EMILIN2: variants seen among roughly 807,000 people sequenced by gnomAD.
The protein encoded by EMILIN2 is elastin microfibril interfacer 2, also known as EMILIN-2.
In EMILIN2, 71 loss-of-function variants were observed where a neutral mutation model predicts 87.1. The observed-to-expected ratio is 0.82, with a 90% CI of 0.67 to 0.99. The LOEUF is 0.99. Among genes scored for constraint, EMILIN2 ranks in the 50% least tolerant of loss-of-function variants. The pLI, the probability that EMILIN2 is intolerant of heterozygous loss-of-function variation, is 0.00. For synonymous variants in EMILIN2, 581 were observed against 563.4 expected, an observed-to-expected ratio of 1.03 and a Z score of -0.44; for missense variants, 1,407 against 1,371.8, an observed-to-expected ratio of 1.03 and a Z score of -0.40.
intron 3 of EMILIN2, among the ~76,000 whole-genome samples, chr18:2,886,200 G>A (rs993382147): frequency 6.6e-6 from 1 of 152,136 alleles, no homozygotes; most frequent in Non-Finnish European, 1.5e-5. Context: ...CTTGGAATAA[G>A]TGAGAAAAAA....
At chr18:2,906,752 C>T (rs2144069204) in intron 4 of EMILIN2, 31 bp from the exon 5 acceptor site, 1 of 1,262,986 alleles carries the variant, frequency 7.9e-7, no homozygotes, top group Non-Finnish European at 9.9e-7. Context: ...TTCCTAATCC[C>T]GTGTGTTTCT....
At chr18:2,909,892 C>T in intron 7 of EMILIN2, 73 bp downstream of exon 7, 1 of 1,575,144 alleles carries the variant, frequency 6.3e-7, no homozygotes, top group Middle Eastern at 1.7e-4. Flanking sequence ...CCCACCATGG[C>T]TGGCTGGTTC....
chr18:2,857,216 G>A (rs1310161376), intron 2 of EMILIN2, among the ~76,000 whole-genome samples: 1 of 152,130 alleles, frequency 6.6e-6, no homozygotes, highest in Non-Finnish European at 1.5e-5. Flanking sequence ...AAACTGTGTA[G>A]GTGAAGTTTT....
At chr18:2,846,652 C>A, upstream of EMILIN2, 1 of 596,790 alleles carries the variant, frequency 1.7e-6, no homozygotes, top group Non-Finnish European at 2.1e-6. The surrounding 1 kb of genome is among the most constrained non-coding windows in gnomAD (Gnocchi z 5.3). Flanking sequence ...CCTCATTCGC[C>A]CCGGGAGGCT....
chr18:2,860,841 T>G (rs979391780), intron 2 of EMILIN2, among the ~76,000 whole-genome samples: 15 of 152,316 alleles, frequency 9.8e-5, no homozygotes, highest in African/African-American at 2.4e-4. Context: ...TGAACTAGTT[T>G]ACAGTCCCAC....
rs557554919 is a variant in EMILIN2, at chr18:2,865,558, C to G, written c.257+17627C>G. 2.0e-5 allele frequency among the ~76,000 whole-genome samples: 3 copies of G among 152,274 alleles called. No homozygotes were observed. In the East Asian group the frequency reaches 5.8e-4, roughly 29 times the overall value. On this transcript the variant is annotated intron_variant, in intron 2 of 7. Coordinates refer to ENST00000254528, the MANE Select transcript of EMILIN2 (RefSeq NM_032048.3). ...TGAACAGCAAATGTTGCTGGCTGAT[C>G]GTTCCTCTGGAAGTTTTGTCTCAGA...
chr18:2,885,515 G>GTTTTTTA, intron 3 of EMILIN2, among the ~76,000 whole-genome samples: 1 of 152,172 alleles, frequency 6.6e-6, no homozygotes, highest in Non-Finnish European at 1.5e-5. Flanking sequence ...GGTTAAAATT[G>GTTTTTTA]TTTTTTATTT....
chr18:2,865,924 C>G (rs994951345), intron 2 of EMILIN2, among the ~76,000 whole-genome samples: 5 of 152,232 alleles, frequency 3.3e-5, no homozygotes, highest in Non-Finnish European at 7.3e-5. Flanking sequence ...TGCCCCTCCC[C>G]CAGCCTCACT....
At chr18:2,853,521 C>T (rs1025501650) in intron 2 of EMILIN2, among the ~76,000 whole-genome samples, 3 of 152,150 alleles carry the variant, frequency 2.0e-5, no homozygotes, top group Non-Finnish European at 2.9e-5. Flanking sequence ...TGAGGCTGAC[C>T]GCAGTGGGAA....
In EMILIN2 at chr18:2,891,647, A is replaced by C. The variant is rs143324819; in HGVS notation, c.1520A>C (p.Gln507Pro). Residue 507 changes from glutamine (Q) to proline (P), a missense_variant, in exon 4 of 8, where the codon CAG (glutamine) becomes CCG (proline). Transcript: ENST00000254528. The surrounding 1 kb of genome is among the most constrained non-coding windows in gnomAD (Gnocchi z 4.6). ...LEDRLGSVLL[Q>P]MTNNTGAELS... Reference sequence around the variant, plus strand: ...GACCGTCTGGGGAGCGTTCTCCTACAGATGACCAATAACACTGGTGCAGAG... The same window carrying C: ...GACCGTCTGGGGAGCGTTCTCCTACCGATGACCAATAACACTGGTGCAGAG... 25 of 1,614,010 alleles carry C rather than the reference A, an allele frequency of 1.5e-5. No homozygotes were observed. The African/African-American group carries it at 2.9e-4, about 19-fold the overall frequency.
intron 2 of EMILIN2, among the ~76,000 whole-genome samples, chr18:2,879,615 C>G (rs890849450): frequency 6.6e-6 from 1 of 151,910 alleles, no homozygotes; most frequent in Admixed American, 6.6e-5. Context: ...GAGCCAAGAT[C>G]GCACCACTGC....
At position 2,880,650 on chromosome 18, in the gene EMILIN2, G is replaced by A. The variant is rs937331651; in HGVS notation, c.258-4314G>A. 5.3e-5 allele frequency among the ~76,000 whole-genome samples: 8 copies of A among 152,198 alleles called. No homozygotes were observed. The highest frequency in any genetic ancestry group is 2.6e-4 in the Admixed American group (4 of 15,282). ...CCGCCTTAACTTTTCCTCTGGCTGCGGGTCCCTCGGCTTGGCCACCCCCAC... is the reference window on the plus strand; with the variant it reads ...CCGCCTTAACTTTTCCTCTGGCTGCAGGTCCCTCGGCTTGGCCACCCCCAC... On this transcript the variant is annotated intron_variant, in intron 2 of 7. Transcript: ENST00000254528. The surrounding 1 kb of genome is among the most constrained non-coding windows in gnomAD (Gnocchi z 4.1).
chr18:2,891,968 A>C lies in EMILIN2; in HGVS notation c.1841A>C (p.Gln614Pro). The change falls in exon 4 of 8, where the codon CAA (glutamine) becomes CCA (proline). Residue 614 changes from glutamine to proline, a missense_variant. Coordinates refer to ENST00000254528, the MANE Select transcript of EMILIN2 (RefSeq NM_032048.3). This position sits in a 1 kb window ranked among gnomAD's most constrained non-coding sequence, Gnocchi z 4.6. ...CAGGATTTTAGTTTTCTTTATTCTC[A>C]ATTAAACCACACAGAAAATGATGTG... is the stretch of plus-strand genomic sequence containing the variant. ...LQQDFSFLYSQLNHTENDVTH... is the reference protein window; with the variant it reads ...LQQDFSFLYSPLNHTENDVTH... The C allele has an allele frequency of 6.2e-7, 1 of 1,614,188 alleles. No homozygotes were observed. The highest frequency in any genetic ancestry group is 8.5e-7 in the Non-Finnish European group (1 of 1,180,046).
chr18:2,846,654 C>A, upstream of EMILIN2: 3 of 616,976 alleles, frequency 4.9e-6, no homozygotes, highest in Non-Finnish European at 6.1e-6. This position sits in a 1 kb window ranked among gnomAD's most constrained non-coding sequence, Gnocchi z 5.3. Context: ...TCATTCGCCC[C>A]GGGAGGCTGG....
chr18:2,865,706 G>A (rs557472628), intron 2 of EMILIN2, among the ~76,000 whole-genome samples: 5 of 152,312 alleles, frequency 3.3e-5, no homozygotes, highest in African/African-American at 7.2e-5. Context: ...CTCCAGCTGT[G>A]TGCTGGGAGA....
In EMILIN2 at chr18:2,847,924, G is replaced by A. The variant is rs772488342; in HGVS notation, c.250G>A (p.Ala84Thr). 25 of 1,610,882 alleles carry A rather than the reference G, an allele frequency of 1.6e-5. No individual in the cohort carries two copies. The highest frequency in any genetic ancestry group is 1.9e-5 in the Non-Finnish European group (22 of 1,179,550). Residue 84 changes from alanine (A) to threonine (T), a missense_variant, in exon 2 of 8, where the codon GCG becomes ACG. Physicochemically the swap from Ala to Thr is moderately conservative, Grantham distance 58 (BLOSUM62 0). Transcript: ENST00000254528. This position sits in a 1 kb window ranked among gnomAD's most constrained non-coding sequence, Gnocchi z 4.5. The stretch of plus-strand genomic sequence containing the variant: ...CTGGAACCAGATGCCCTGTCCGTCG[G>A]CGCTGGTGTAAGTCCTGGAGCCGGG... The part of the protein sequence containing the change: ...CAWNQMPCPS[A>T]LVYRVNFRPR...
chr18:2,911,031 T>C (rs755264339), intron 7 of EMILIN2, among the ~76,000 whole-genome samples: 1 of 152,154 alleles, frequency 6.6e-6, no homozygotes, highest in Non-Finnish European at 1.5e-5. Context: ...GGGGAATCCA[T>C]ACAGGCCTCA....
Position 2,891,704 on chromosome 18 carries a change from G to A in EMILIN2, c.1577G>A (p.Gly526Glu), listed in dbSNP as rs935753756. The A allele has an allele frequency of 2.5e-6, 4 of 1,614,152 alleles. No individual in the cohort carries two copies. The highest frequency in any genetic ancestry group is 3.4e-6 in the Non-Finnish European group (4 of 1,180,030). The part of the protein sequence containing the change: ...LSPPGAAALP[G>E]VSGSGDERVM... ...CCCCCAGGGGCAGCAGCCCTGCCAGGAGTGTCAGGGTCAGGAGATGAACGG... is the reference window on the plus strand; with the variant it reads ...CCCCCAGGGGCAGCAGCCCTGCCAGAAGTGTCAGGGTCAGGAGATGAACGG... The change falls in exon 4 of 8, where the codon GGA becomes GAA. Residue 526 changes from glycine to glutamate, a missense_variant. Coordinates refer to ENST00000254528, the MANE Select transcript of EMILIN2 (RefSeq NM_032048.3). This position sits in a 1 kb window ranked among gnomAD's most constrained non-coding sequence, Gnocchi z 4.6.
intron 2 of EMILIN2, among the ~76,000 whole-genome samples, chr18:2,866,484 G>C (rs1033578642): frequency 3.9e-5 from 6 of 152,128 alleles, no homozygotes; most frequent in Non-Finnish European, 1.5e-5. Flanking sequence ...TTCTCAGCTT[G>C]GTCACTTTTG....
Sources: gnomAD v4.1 joint callset for allele counts (sites outside exome capture counted in the v4.1 genomes callset) on GRCh38, gnomAD v4.1.1 for gene constraint, Gnocchi (gnomAD v3.1) non-coding constraint, MANE v1.5 for transcripts, NCBI Gene and HGNC (gene_info 2026-07-23, HGNC 2026-07-21) for gene names.